The following FSHR variants were observed in gnomAD, a reference collection of about 807,000 sequenced individuals.
FSHR encodes the protein follicle stimulating hormone receptor.
Under a neutral mutation model 52.1 loss-of-function variants are expected in FSHR, and 46 were observed. That is an observed-to-expected ratio of 0.88 (90% CI 0.70 to 1.13). The LOEUF is 1.13. FSHR is among the 50% of genes most tolerant of loss of function. The pLI, the probability that FSHR is intolerant of heterozygous loss-of-function variation, is 0.00. For missense variants in FSHR, 964 were observed against 834.6 expected, an observed-to-expected ratio of 1.16 and a Z score of -1.91; for synonymous variants, 399 against 309.6, an observed-to-expected ratio of 1.29 and a Z score of -3.03.
intron 1 of FSHR, among the ~76,000 whole-genome samples, chr2:49,141,139 A>G (rs1003463547): frequency 1.3e-5 from 2 of 152,186 alleles, no homozygotes; most frequent in African/African-American, 2.4e-5. Context: ...TTATTTCTGG[A>G]AATTGTCATC....
At chr2:49,087,082 T>TTTTTG (rs1358727386) in intron 1 of FSHR, among the ~76,000 whole-genome samples, 1 of 144,692 alleles carries the variant, frequency 6.9e-6, no homozygotes, top group Non-Finnish European at 1.5e-5. Flanking sequence ...TTTTTTTTTT[T>TTTTTG]TTTTTTTTTT....
intron 2 of FSHR, among the ~76,000 whole-genome samples, chr2:49,056,027 C>G (rs937922680): frequency 1.3e-5 from 2 of 151,946 alleles, no homozygotes; most frequent in African/African-American, 4.8e-5. Context: ...AAGCCTATCA[C>G]TACAGAAAAC....
intron 4 of FSHR, among the ~76,000 whole-genome samples, chr2:49,015,551 A>C (rs1230900888): frequency 1.3e-5 from 2 of 152,162 alleles, no homozygotes; most frequent in African/African-American, 2.4e-5. Flanking sequence ...TTTCTCAACT[A>C]TTGAATGATG....
At chr2:49,127,870 TCTTCTTCTTCTTCTTCTTC>T (rs1672109544) in intron 1 of FSHR, among the ~76,000 whole-genome samples, 1 of 44,792 alleles carries the variant, frequency 2.2e-5, no homozygotes, top group Admixed American at 3.1e-4. Context: ...TTCTTCTTCT[TCTTCTTCTTCTTCTTCTTC>T]TTCTTCTTCT....
At chr2:49,021,845 C>CA (rs1667714793) in intron 2 of FSHR, among the ~76,000 whole-genome samples, 2 of 30,334 alleles carry the variant, frequency 6.6e-5, no homozygotes, top group African/African-American at 2.7e-4. Flanking sequence ...CTCTCTCTCT[C>CA]TCTCTCTCTC....
intron 2 of FSHR, among the ~76,000 whole-genome samples, chr2:49,036,061 C>CTG (rs1488323056): frequency 6.6e-6 from 1 of 152,192 alleles, no homozygotes; most frequent in Non-Finnish European, 1.5e-5. Flanking sequence ...GATATAGATA[C>CTG]TGTATCTGTT....
At chr2:49,116,453 CT>C (rs1671603715) in intron 1 of FSHR, among the ~76,000 whole-genome samples, 1 of 152,056 alleles carries the variant, frequency 6.6e-6, no homozygotes, top group Non-Finnish European at 1.5e-5. Flanking sequence ...TACTTGTAAG[CT>C]ATGTGTTCTC....
intron 2 of FSHR, among the ~76,000 whole-genome samples, chr2:49,061,502 G>A (rs921310116): frequency 2.7e-5 from 4 of 145,732 alleles, no homozygotes; most frequent in African/African-American, 7.6e-5. Flanking sequence ...TTCAGGAAGA[G>A]GATATGATTC....
At chr2:49,005,562 G>A (rs1221592473) in intron 4 of FSHR, among the ~76,000 whole-genome samples, 1 of 152,146 alleles carries the variant, frequency 6.6e-6, no homozygotes, top group African/African-American at 2.4e-5. Context: ...AGATGACTCT[G>A]TGTGGGAAGT....
intron 2 of FSHR, among the ~76,000 whole-genome samples, chr2:49,057,659 C>T (rs1251064337): frequency 1.3e-5 from 2 of 152,122 alleles, no homozygotes; most frequent in African/African-American, 4.8e-5. Context: ...GCAGAAGGAA[C>T]TCTTTCTAAC....
intron 8 of FSHR, among the ~76,000 whole-genome samples, chr2:48,977,060 C>T (rs1453368908): frequency 1.3e-5 from 2 of 151,932 alleles, no homozygotes; most frequent in African/African-American, 4.8e-5. Context: ...ATGTAACAAA[C>T]CTGCATGTTC....
chr2:49,011,927 G>A (rs1271984637), intron 4 of FSHR, among the ~76,000 whole-genome samples: 1 of 152,084 alleles, frequency 6.6e-6, no homozygotes, highest in Non-Finnish European at 1.5e-5. Context: ...AAGAGAGAGA[G>A]GGACTTAGCT....
intron 4 of FSHR, among the ~76,000 whole-genome samples, chr2:49,008,099 C>T (rs1667132513): frequency 1.3e-5 from 2 of 149,546 alleles, no homozygotes; most frequent in African/African-American, 2.5e-5. Flanking sequence ...CATATGTATA[C>T]ATGTGCCATG....
chr2:49,034,519 A>G (rs1049773759), intron 2 of FSHR, among the ~76,000 whole-genome samples: 1 of 152,186 alleles, frequency 6.6e-6, no homozygotes, highest in African/African-American at 2.4e-5. Context: ...AAGACCCTTT[A>G]GTTCTCCAAA....
intron 1 of FSHR, among the ~76,000 whole-genome samples, chr2:49,113,274 G>A (rs1022969546): frequency 6.6e-6 from 1 of 152,164 alleles, no homozygotes; most frequent in Non-Finnish European, 1.5e-5. Flanking sequence ...CGCCAAAACA[G>A]GGATTGGAAA....
chr2:49,127,898 C>CTTCTTT (rs1558457105), intron 1 of FSHR, among the ~76,000 whole-genome samples: 435 of 27,206 alleles, frequency 0.016, 114 homozygotes, highest in South Asian at 0.033. Context: ...TCTTCTTCTT[C>CTTCTTT]TTTTTTTTTT....
At chr2:49,061,638 A>C (rs11125204) in intron 2 of FSHR, among the ~76,000 whole-genome samples, 49,041 of 142,494 alleles carry the variant, frequency 0.34, 9,109 homozygotes, top group East Asian at 0.49. Context: ...ATATATCTAT[A>C]ATATATATAA....
chr2:49,057,593 A>G (rs1008951056), intron 2 of FSHR, among the ~76,000 whole-genome samples: 3 of 152,186 alleles, frequency 2.0e-5, no homozygotes, highest in African/African-American at 7.2e-5. Context: ...TGAATTCTAC[A>G]GAACCTTTGA....
intron 1 of FSHR, among the ~76,000 whole-genome samples, chr2:49,150,261 A>G (rs1673013990): frequency 6.6e-6 from 1 of 152,038 alleles, no homozygotes; most frequent in South Asian, 2.1e-4. Context: ...CCAGAAAGTA[A>G]GTCCATGGAG....
Sources: gnomAD v4.1 joint callset for allele counts (sites outside exome capture counted in the v4.1 genomes callset) on GRCh38, gnomAD v4.1.1 for gene constraint, MANE v1.5 for transcripts, NCBI Gene and HGNC (gene_info 2026-07-23, HGNC 2026-07-21) for gene names.